Variants in GAS2 observed in about 807,000 individuals in gnomAD.
GAS2 encodes growth arrest-specific protein 2.
GAS2 carries 20 observed loss-of-function variants against 37.5 expected under a neutral mutation model. The observed-to-expected ratio is 0.53, with a 90% CI of 0.37 to 0.77. GAS2 has a LOEUF of 0.77. GAS2 is among the 30% of genes least tolerant of loss of function. GAS2 has a pLI of 0.00. For missense variants in GAS2, 336 were observed against 373.4 expected (o/e 0.90, Z 0.82); for synonymous variants, 144 against 132.2 (o/e 1.09, Z -0.61).
rs150934568 is a variant in GAS2 at position 22,773,161 on chromosome 11, C to A, written c.723+17208C>A. On this transcript the variant is annotated intron_variant, in intron 7 of 7. Transcript: ENST00000454584. ...TCTTTCTCCTCCTAGAGGCTGCAGT[C>A]TTCTGTCTGTGGTCGCGGTTCATTT... Among the ~76,000 whole-genome samples, 607 of 152,180 alleles carry A rather than the reference C, an allele frequency of 4.0e-3. 3 individuals carry two copies. Among genetic ancestry groups the A allele is most frequent in the African/African-American group, 0.013 (546 of 41,510 alleles).
intron 1 of GAS2, among the ~76,000 whole-genome samples, chr11:22,671,551 A>G (rs139498908): frequency 6.6e-6 from 1 of 152,214 alleles, no homozygotes; most frequent in East Asian, 1.9e-4. Flanking sequence ...AGTCTAGTGG[A>G]TCATCAGTCA....
chr11:22,721,440 A>G (rs1337636579), intron 3 of GAS2, among the ~76,000 whole-genome samples: 3 of 152,062 alleles, frequency 2.0e-5, no homozygotes, highest in Non-Finnish European at 4.4e-5. Flanking sequence ...TGTATGTCTT[A>G]GTAACTACAC....
intron 7 of GAS2, among the ~76,000 whole-genome samples, chr11:22,761,877 A>G (rs1028675133): frequency 6.6e-5 from 10 of 152,124 alleles, no homozygotes; most frequent in African/African-American, 2.4e-4. Context: ...TACACTTTTT[A>G]CCACTAAGCA....
At chr11:22,793,424 A>C (rs1856273441) in intron 7 of GAS2, among the ~76,000 whole-genome samples, 1 of 152,212 alleles carries the variant, frequency 6.6e-6, no homozygotes, top group Non-Finnish European at 1.5e-5. Flanking sequence ...TGAACATTAA[A>C]GCTTTGAAAG....
At chr11:22,714,612 G>T (rs1851571457) in intron 3 of GAS2, among the ~76,000 whole-genome samples, 1 of 151,944 alleles carries the variant, frequency 6.6e-6, no homozygotes, top group African/African-American at 2.4e-5. Flanking sequence ...TCTAAGATAG[G>T]CTACAAAACA....
At chr11:22,755,061 G>A (rs1232723745) in intron 6 of GAS2, among the ~76,000 whole-genome samples, 1 of 152,052 alleles carries the variant, frequency 6.6e-6, no homozygotes, top group Non-Finnish European at 1.5e-5. Flanking sequence ...ACATAAAATT[G>A]TTCCTAAAAT....
At chr11:22,756,098 A>T in intron 7 of GAS2, 145 bp downstream of exon 7, 1 of 600,112 alleles carries the variant, frequency 1.7e-6, no homozygotes, top group Non-Finnish European at 2.9e-6. Flanking sequence ...AGTAACATAC[A>T]TTATAATGTA....
intron 2 of GAS2, among the ~76,000 whole-genome samples, chr11:22,681,177 G>T (rs1849665277): frequency 6.6e-6 from 1 of 152,142 alleles, no homozygotes; most frequent in Admixed American, 6.6e-5. Context: ...GGTGGCCCCA[G>T]TCTAAAACAC....
intron 1 of GAS2, among the ~76,000 whole-genome samples, chr11:22,640,574 T>C (rs1434323737): frequency 6.6e-6 from 1 of 152,176 alleles, no homozygotes; most frequent in Non-Finnish European, 1.5e-5. Context: ...TTAAAAGTCT[T>C]GATCAGGAAT....
intron 4 of GAS2, among the ~76,000 whole-genome samples, chr11:22,737,410 T>C (rs1050567128): frequency 5.3e-5 from 8 of 152,178 alleles, no homozygotes; most frequent in African/African-American, 1.9e-4. Context: ...CAGTATTAAT[T>C]AATTGAATAA....
intron 6 of GAS2, among the ~76,000 whole-genome samples, chr11:22,753,273 T>C (rs909905996): frequency 1.3e-5 from 2 of 152,078 alleles, no homozygotes; most frequent in African/African-American, 4.8e-5. Context: ...ATATTTCCAC[T>C]GGCCACAGTC....
chr11:22,683,868 G>T (rs1425304475), intron 2 of GAS2, among the ~76,000 whole-genome samples: 1 of 152,094 alleles, frequency 6.6e-6, no homozygotes, highest in Non-Finnish European at 1.5e-5. Context: ...ATACCTCAAG[G>T]TTTGTAACAT....
intron 1 of GAS2, among the ~76,000 whole-genome samples, chr11:22,648,790 G>C (rs1248178586): frequency 1.3e-5 from 2 of 152,308 alleles, no homozygotes; most frequent in African/African-American, 4.8e-5. Context: ...CTGAGACTTT[G>C]CTGAAGTTGC....
intron 1 of GAS2, among the ~76,000 whole-genome samples, chr11:22,648,973 G>C (rs1848738206): frequency 6.6e-6 from 1 of 152,066 alleles, no homozygotes; most frequent in African/African-American, 2.4e-5. Flanking sequence ...AGTGGTGAGA[G>C]AGGGCATCCC....
At chr11:22,782,252 G>T (rs1174138353) in intron 7 of GAS2, among the ~76,000 whole-genome samples, 1 of 152,174 alleles carries the variant, frequency 6.6e-6, no homozygotes, top group Middle Eastern at 3.4e-3. Context: ...AGCTAGAGAG[G>T]ACAGCCTCTT....
chr11:22,776,790 T>G (rs1173012429), intron 7 of GAS2, among the ~76,000 whole-genome samples: 1 of 152,174 alleles, frequency 6.6e-6, no homozygotes, highest in East Asian at 1.9e-4. Context: ...TCCTCTGAAT[T>G]TCTATGGCAT....
At chr11:22,769,299 A>G (rs1236860990) in intron 7 of GAS2, among the ~76,000 whole-genome samples, 3 of 152,326 alleles carry the variant, frequency 2.0e-5, no homozygotes, top group African/African-American at 7.2e-5. Flanking sequence ...CATGCATTCC[A>G]AGGAGCAGAG....
chr11:22,790,109 T>C (rs140160165), intron 7 of GAS2, among the ~76,000 whole-genome samples: 1 of 152,230 alleles, frequency 6.6e-6, no homozygotes, highest in African/African-American at 2.4e-5. Context: ...GCCAATGGCA[T>C]GATCTCCATC....
chr11:22,652,596 G>C (rs903329279), intron 1 of GAS2, among the ~76,000 whole-genome samples: 4 of 152,196 alleles, frequency 2.6e-5, no homozygotes, highest in South Asian at 4.1e-4. Flanking sequence ...AGGACCCTCC[G>C]AGCCAGGTGG....
Sources: gnomAD v4.1 joint callset for allele counts (sites outside exome capture counted in the v4.1 genomes callset) on GRCh38, gnomAD v4.1.1 for gene constraint, MANE v1.5 for transcripts, NCBI Gene and HGNC (gene_info 2026-07-23, HGNC 2026-07-21) for gene names.